The following ASPH variants were observed in gnomAD, a reference collection of about 807,000 sequenced individuals.
ASPH encodes aspartate beta-hydroxylase.
ASPH carries 100 observed loss-of-function variants against 118.4 expected under a neutral mutation model. The ratio of observed to expected loss-of-function variants is 0.84; its 90% CI spans 0.72 to 1.00. The LOEUF is 1.00. Ranked by LOEUF, ASPH falls within the 50% of genes least tolerant of loss-of-function variation. The pLI, the probability that ASPH is intolerant of heterozygous loss-of-function variation, is 0.00. For synonymous variants in ASPH, 315 were observed against 325.6 expected (o/e 0.97, Z 0.35); for missense variants, 920 against 919.5 (o/e 1.00, Z -0.01).
At chr8:61,665,205 T>C in intron 3 of ASPH, 6 of 1,527,688 alleles carry the variant, frequency 3.9e-6, no homozygotes, top group Non-Finnish European at 5.2e-6. Flanking sequence ...TGTAACAAAC[T>C]GCAATCTGGA....
At chr8:61,620,832 T>C (rs1320112264) in intron 13 of ASPH, among the ~76,000 whole-genome samples, 1 of 152,190 alleles carries the variant, frequency 6.6e-6, no homozygotes, top group Non-Finnish European at 1.5e-5. Flanking sequence ...CTGGACTAGA[T>C]AGAACAGGTG....
chr8:61,574,459 C>G (rs560658558), intron 16 of ASPH, among the ~76,000 whole-genome samples: 1 of 152,152 alleles, frequency 6.6e-6, no homozygotes, highest in African/African-American at 2.4e-5. Flanking sequence ...AAATGCCCAT[C>G]AATGATAGAC....
chr8:61,682,626 G>A (rs1428932438), intron 2 of ASPH: 3 of 724,192 alleles, frequency 4.1e-6, no homozygotes, highest in Non-Finnish European at 6.7e-6. Context: ...TTTGTCTCCA[G>A]ACTAAAATTC....
At chr8:61,602,176 C>T (rs1187646590) in intron 14 of ASPH, among the ~76,000 whole-genome samples, 4 of 151,228 alleles carry the variant, frequency 2.6e-5, no homozygotes, top group Non-Finnish European at 5.9e-5. Context: ...TAACTGGTAT[C>T]CCTCATGAAC....
chr8:61,549,295 ACTTTCTTTGAATGTGTTATCTCAT>A (rs1435049392), intron 20 of ASPH, among the ~76,000 whole-genome samples: 2 of 151,888 alleles, frequency 1.3e-5, no homozygotes, highest in African/African-American at 4.9e-5. Context: ...TACATTGACT[ACTTTCTTTGAATGTGTTATCTCAT>A]TTGATTTTTC....
intron 1 of ASPH, among the ~76,000 whole-genome samples, chr8:61,692,696 A>G (rs1430902988): frequency 6.6e-6 from 1 of 152,130 alleles, no homozygotes; most frequent in African/African-American, 2.4e-5. Context: ...TCAAACTCTG[A>G]GCACGTCAGA....
intron 3 of ASPH, among the ~76,000 whole-genome samples, chr8:61,655,335 T>C (rs1813102683): frequency 6.6e-6 from 1 of 152,148 alleles, no homozygotes; most frequent in Admixed American, 6.5e-5. Flanking sequence ...GTATTTCTGC[T>C]CCAGCATCCA....
At chr8:61,561,987 G>C (rs1170266014) in intron 18 of ASPH, among the ~76,000 whole-genome samples, 1 of 152,160 alleles carries the variant, frequency 6.6e-6, no homozygotes, top group Non-Finnish European at 1.5e-5. Context: ...CTGAGTGGTA[G>C]CATATTGATG....
intron 14 of ASPH, among the ~76,000 whole-genome samples, chr8:61,598,525 T>C (rs1013621049): frequency 4.6e-5 from 7 of 152,296 alleles, no homozygotes; most frequent in African/African-American, 1.2e-4. Flanking sequence ...AGAGACAGAC[T>C]CTAATACAAT....
chr8:61,613,018 T>C (rs1847939533), intron 14 of ASPH, among the ~76,000 whole-genome samples: 1 of 152,224 alleles, frequency 6.6e-6, no homozygotes, highest in South Asian at 2.1e-4. Context: ...GTCACATTTT[T>C]TTCATACTAC....
At chr8:61,617,984 G>A (rs1486505075) in intron 14 of ASPH, among the ~76,000 whole-genome samples, 1 of 150,150 alleles carries the variant, frequency 6.7e-6, no homozygotes, top group East Asian at 1.9e-4. Context: ...CTAAAAGAAA[G>A]TTAGGAGTGA....
chr8:61,700,432 T>C (rs556648544), intron 1 of ASPH, among the ~76,000 whole-genome samples: 1 of 152,318 alleles, frequency 6.6e-6, no homozygotes, highest in South Asian at 2.1e-4. Flanking sequence ...GTGACTGAGA[T>C]GTTAAGTTCT....
At position 61,714,442 on chromosome 8, in the gene ASPH, G is replaced by A; in HGVS notation, c.-71C>T. The A allele has an allele frequency of 7.3e-7, 1 of 1,367,730 alleles. No individual in the cohort carries two copies. The allele number at this position is 1,367,730 out of a possible 1,614,324, so 84.7% of individuals were successfully genotyped here. A position where few individuals can be genotyped will look rare whatever the true frequency, so the allele number is the denominator to read the frequency against. On this transcript the variant is annotated 5_prime_UTR_variant, in exon 1 of 25. Transcript: ENST00000379454. The stretch of plus-strand genomic sequence containing the variant: ...TGCGCGGGGGTACACACGCGACGCG[G>A]GAACCGCTGGCGGCGGCGGGCCGCT...
chr8:61,610,278 G>A (rs556170483), intron 14 of ASPH, among the ~76,000 whole-genome samples: 1 of 152,280 alleles, frequency 6.6e-6, no homozygotes, highest in East Asian at 1.9e-4. Context: ...GAAAACAGGT[G>A]TCCTAAATTA....
chr8:61,662,814 C>T, intron 3 of ASPH: 1 of 979,844 alleles, frequency 1.0e-6, no homozygotes, highest in South Asian at 4.7e-5. Flanking sequence ...AATGAGATAG[C>T]CAAAACATTT....
At chr8:61,643,895 C>T (rs778713188) in intron 8 of ASPH, 50 bp downstream of exon 8, 36 of 1,463,120 alleles carry the variant, frequency 2.5e-5, no homozygotes, top group Non-Finnish European at 3.2e-5. Context: ...ACGGCCTTGG[C>T]CACTGCCTCA....
intron 14 of ASPH, 114 bp from the exon 15 acceptor site, chr8:61,584,143 A>G: frequency 1.6e-6 from 1 of 641,936 alleles, no homozygotes; most frequent in Non-Finnish European, 2.6e-6. Context: ...AAAGACCTGC[A>G]GGAGAAGGCA....
At chr8:61,615,549 A>G (rs948238693) in intron 14 of ASPH, among the ~76,000 whole-genome samples, 4 of 152,228 alleles carry the variant, frequency 2.6e-5, no homozygotes, top group Admixed American at 2.6e-4. Context: ...CCTGGACATC[A>G]TAAGTACTCA....
chr8:61,510,913 T>G (rs1158493356), intron 24 of ASPH, among the ~76,000 whole-genome samples: 1 of 152,184 alleles, frequency 6.6e-6, no homozygotes, highest in Non-Finnish European at 1.5e-5. Context: ...AGAAGGTTTA[T>G]GATTTCAGGG....
Sources: allele counts gnomAD v4.1 joint callset (sites outside exome capture counted in the v4.1 genomes callset), GRCh38; gene constraint gnomAD v4.1.1; transcripts MANE v1.5; gene names NCBI Gene and HGNC (gene_info 2026-07-23, HGNC 2026-07-21).